The following MAP2K6 variants were observed in gnomAD, a reference collection of about 807,000 sequenced individuals.
MAP2K6 encodes the protein mitogen-activated protein kinase kinase 6.
In MAP2K6, 16 loss-of-function variants were observed where a neutral mutation model predicts 53.7. The observed-to-expected ratio is 0.30, with a 90% CI of 0.20 to 0.45. The LOEUF is 0.45. Among genes scored for constraint, MAP2K6 ranks in the 20% least tolerant of loss-of-function variants. The pLI, the probability that MAP2K6 is intolerant of heterozygous loss-of-function variation, is 1.00. For synonymous variants in MAP2K6, 132 were observed against 143.1 expected (o/e 0.92, Z 0.55); for missense variants, 204 against 411.9 (o/e 0.50, Z 4.37).
intron 2 of MAP2K6, among the ~76,000 whole-genome samples, chr17:69,510,496 T>C (rs755409515): frequency 5.3e-5 from 8 of 152,218 alleles, no homozygotes; most frequent in Admixed American, 3.9e-4. Context: ...TTGGTAAGTG[T>C]TGCTTCTATT....
chr17:69,538,706 A>G (rs193042813), intron 11 of MAP2K6, among the ~76,000 whole-genome samples: 2 of 152,276 alleles, frequency 1.3e-5, no homozygotes, highest in African/African-American at 4.8e-5. Flanking sequence ...TCTCCCTAAC[A>G]CGGATTGAAG....
intron 1 of MAP2K6, among the ~76,000 whole-genome samples, chr17:69,487,402 A>G (rs1032272868): frequency 1.3e-5 from 2 of 152,250 alleles, no homozygotes; most frequent in African/African-American, 2.4e-5. Context: ...TGTGCCTTGC[A>G]TGTAACACAT....
intron 1 of MAP2K6, among the ~76,000 whole-genome samples, chr17:69,446,976 CT>C (rs71357721): frequency 0.5 from 64,645 of 128,726 alleles, 14,604 homozygotes; most frequent in East Asian, 0.58. Flanking sequence ...ACCTCTGTTT[CT>C]TTTTTTTTTT....
At chr17:69,517,085 A>G (rs950110914) in intron 3 of MAP2K6, among the ~76,000 whole-genome samples, 182 bp downstream of exon 3, 8 of 151,772 alleles carry the variant, frequency 5.3e-5, no homozygotes, top group African/African-American at 1.7e-4. Flanking sequence ...AAATCAGGCT[A>G]TTGTGGTTTT....
intron 11 of MAP2K6, among the ~76,000 whole-genome samples, chr17:69,537,141 C>G (rs1364989306): frequency 6.6e-6 from 1 of 152,148 alleles, no homozygotes; most frequent in African/African-American, 2.4e-5. Context: ...AAGCTAATTA[C>G]TAATGATTCT....
intron 1 of MAP2K6, among the ~76,000 whole-genome samples, chr17:69,467,779 GT>G (rs796087740): frequency 2.7e-5 from 4 of 148,516 alleles, no homozygotes; most frequent in Non-Finnish European, 6.0e-5. Context: ...TTAGTTTCGT[GT>G]TTTTTTTTTG....
At chr17:69,450,792 G>A (rs1484846406) in intron 1 of MAP2K6, among the ~76,000 whole-genome samples, 1 of 151,848 alleles carries the variant, frequency 6.6e-6, no homozygotes, top group Non-Finnish European at 1.5e-5. Context: ...CCTGCCCTCA[G>A]AGTAGTTACA....
chr17:69,429,536 T>C (rs933728375), intron 1 of MAP2K6, among the ~76,000 whole-genome samples: 6 of 152,180 alleles, frequency 3.9e-5, no homozygotes, highest in Non-Finnish European at 8.8e-5. Context: ...AAAGTATTCA[T>C]GTGTTACCAA....
At chr17:69,510,721 T>G (rs1363569328) in intron 2 of MAP2K6, among the ~76,000 whole-genome samples, 4 of 152,168 alleles carry the variant, frequency 2.6e-5, no homozygotes, top group Non-Finnish European at 5.9e-5. Flanking sequence ...TTCTTCCAAG[T>G]TGTCACATTT....
At chr17:69,461,603 A>C (rs1386000077) in intron 1 of MAP2K6, among the ~76,000 whole-genome samples, 26 of 152,084 alleles carry the variant, frequency 1.7e-4, no homozygotes, top group Admixed American at 1.7e-3. Flanking sequence ...TCATTTGATA[A>C]AGCAGGCTGC....
intron 1 of MAP2K6, among the ~76,000 whole-genome samples, chr17:69,493,376 CAAT>C (rs1467045229): frequency 6.6e-6 from 1 of 151,708 alleles, no homozygotes. Context: ...ACAAAGAAAA[CAAT>C]AATAATAACC....
At chr17:69,437,158 G>A (rs1906672266) in intron 1 of MAP2K6, among the ~76,000 whole-genome samples, 1 of 152,138 alleles carries the variant, frequency 6.6e-6, no homozygotes. Flanking sequence ...TAAAACTTAA[G>A]TGTCAATAGC....
chr17:69,520,554 T>A (rs1371718046), intron 6 of MAP2K6, 168 bp downstream of exon 6: 2 of 584,710 alleles, frequency 3.4e-6, no homozygotes, highest in South Asian at 4.4e-5. Flanking sequence ...TTCTGAGCAC[T>A]GTGTAGAAGA....
chr17:69,433,843 G>A (rs541105049), intron 1 of MAP2K6: 2 of 152,268 alleles, frequency 1.3e-5, no homozygotes, highest in Non-Finnish European at 2.9e-5. Flanking sequence ...CTAAAGTTCT[G>A]TATGGTTGGG....
chr17:69,517,510 T>C lies in MAP2K6; in HGVS notation c.143T>C (p.Val48Ala). ...CISIGNQNFE[V>A]KADDLEPIME... Reference sequence around the variant, plus strand: ...TTTTCTCTCTTGCAGAACTTTGAGGTGAAGGCAGATGACCTGGAGCCTATA... The same window carrying C: ...TTTTCTCTCTTGCAGAACTTTGAGGCGAAGGCAGATGACCTGGAGCCTATA... The change falls in exon 4 of 12, where the codon GTG (valine) becomes GCG (alanine). Residue 48 changes from valine to alanine, a missense_variant. By Grantham distance (64) the Val-to-Ala change is moderately conservative. Transcript: ENST00000590474. 1 of 1,600,486 alleles carries C rather than the reference T, an allele frequency of 6.2e-7. No individual in the cohort carries two copies. The highest frequency in any genetic ancestry group is 8.5e-7 in the Non-Finnish European group (1 of 1,172,682).
chr17:69,433,102 T>C (rs1906519311), intron 1 of MAP2K6: 1 of 152,200 alleles, frequency 6.6e-6, no homozygotes, highest in African/African-American at 2.4e-5. Flanking sequence ...TGCCCAATGA[T>C]ATGTGGTACA....
chr17:69,432,067 G>T (rs892732512), intron 1 of MAP2K6, among the ~76,000 whole-genome samples: 1 of 152,178 alleles, frequency 6.6e-6, no homozygotes, highest in Non-Finnish European at 1.5e-5. Context: ...GTCACAGAAG[G>T]AACAGTCAAA....
At chr17:69,462,953 T>C (rs1598273993) in intron 1 of MAP2K6, among the ~76,000 whole-genome samples, 2 of 5,666 alleles carry the variant, frequency 3.5e-4, no homozygotes, top group East Asian at 1.2e-3. Flanking sequence ...GACTTGTCTT[T>C]TTTTTTTTTT....
chr17:69,468,319 C>A (rs149313166), intron 1 of MAP2K6, among the ~76,000 whole-genome samples: 1 of 152,332 alleles, frequency 6.6e-6, no homozygotes, highest in Non-Finnish European at 1.5e-5. Flanking sequence ...ACTCCAGTTT[C>A]ATCCTCTATT....
Sources: allele counts gnomAD v4.1 joint callset (sites outside exome capture counted in the v4.1 genomes callset), GRCh38; gene constraint gnomAD v4.1.1; transcripts MANE v1.5; gene names NCBI Gene and HGNC (gene_info 2026-07-23, HGNC 2026-07-21).